The following SMARCA5 variants were observed in gnomAD, a reference collection of about 807,000 sequenced individuals.
SMARCA5 encodes the protein SNF2 related chromatin remodeling ATPase 5, also known as SWI/SNF-related matrix-associated actin-dependent regulator of chromatin subfamily A member 5.
SMARCA5 carries 18 observed loss-of-function variants against 140.4 expected under a neutral mutation model. The ratio of observed to expected loss-of-function variants is 0.13; its 90% CI spans 0.09 to 0.19. The LOEUF is 0.19. Ranked by LOEUF, SMARCA5 falls within the 10% of genes least tolerant of loss-of-function variation. SMARCA5 has a pLI of 1.00. For synonymous variants in SMARCA5, 449 were observed against 419.6 expected (o/e 1.07, Z -0.86); for missense variants, 606 against 1,276.8 (o/e 0.47, Z 8.01).
chr4:143,531,385 T>TA (rs1294705107), intron 9 of SMARCA5, among the ~76,000 whole-genome samples: 1 of 152,214 alleles, frequency 6.6e-6, no homozygotes, highest in African/African-American at 2.4e-5. Flanking sequence ...CAGATTAAAA[T>TA]ACCCTGCTAA....
At position 143,526,465 on chromosome 4, in the gene SMARCA5, GT is replaced by G; in HGVS notation, c.801+8del. ...ATAGGAGATAAAGAACAAAGAGTAA[GT>G]TTCTAGTATTTCATTACATTTTTGA... is the stretch of plus-strand genomic sequence containing the variant. On this transcript the variant is annotated splice_donor_region_variant and intron_variant, in intron 6 of 23. Coordinates refer to ENST00000283131, the MANE Select transcript of SMARCA5 (RefSeq NM_003601.4). 6.3e-7 allele frequency: 1 copy of G among 1,593,024 alleles called. No homozygotes were observed. Among genetic ancestry groups the G allele is most frequent in the Non-Finnish European group, 8.6e-7 (1 of 1,165,004 alleles).
At chr4:143,533,223 T>C (rs1737234904) in intron 9 of SMARCA5, among the ~76,000 whole-genome samples, 2 of 152,132 alleles carry the variant, frequency 1.3e-5, no homozygotes, top group Admixed American at 6.5e-5. Context: ...AAGTTAAAAA[T>C]GATAGGCAAA....
chr4:143,535,717 A>G (rs566605950), intron 10 of SMARCA5, among the ~76,000 whole-genome samples: 18 of 152,256 alleles, frequency 1.2e-4, no homozygotes, highest in African/African-American at 3.6e-4. Flanking sequence ...TTGAGATGGA[A>G]AGGTCTGCCT....
chr4:143,550,253 G>A, intron 23 of SMARCA5, 149 bp downstream of exon 23: 1 of 416,950 alleles, frequency 2.4e-6, no homozygotes, highest in Non-Finnish European at 4.3e-6. Context: ...TTTCCTTAAG[G>A]GAGAACCCAA....
chr4:143,524,983 G>C (rs1258220422), intron 4 of SMARCA5, among the ~76,000 whole-genome samples: 2 of 151,254 alleles, frequency 1.3e-5, no homozygotes, highest in African/African-American at 4.9e-5. Flanking sequence ...AGTATACCCT[G>C]AAAGAGAGTG....
rs1578804629 is a variant in SMARCA5, at chr4:143,545,910, A to G, written c.2398-15A>G. Reference sequence around the variant, plus strand: ...AAAATTTACTGATTTGATGGCATAGAAAAATATCTTTTAGGTACCTCGAAA... The same window carrying G: ...AAAATTTACTGATTTGATGGCATAGGAAAATATCTTTTAGGTACCTCGAAA... On this transcript the variant is annotated splice_polypyrimidine_tract_variant and intron_variant, in intron 18 of 23. Transcript: ENST00000283131. The G allele has an allele frequency of 6.3e-7, 1 of 1,593,252 alleles. No homozygotes were observed. The highest frequency in any genetic ancestry group is 2.2e-5 in the East Asian group (1 of 44,698).
At chr4:143,516,613 T>G (rs1736842111) in intron 1 of SMARCA5, among the ~76,000 whole-genome samples, 1 of 152,186 alleles carries the variant, frequency 6.6e-6, no homozygotes. Flanking sequence ...CATTTTACCT[T>G]CTATTCCAGT....
At chr4:143,525,653 C>G (rs949341380) in intron 5 of SMARCA5, 102 bp downstream of exon 5, 23 of 752,680 alleles carry the variant, frequency 3.1e-5, no homozygotes, top group Non-Finnish European at 5.1e-5. Flanking sequence ...CAAATGGATC[C>G]TCTCAGAAAC....
Position 143,556,704 on chromosome 4 carries a change from C to T in SMARCA5, c.*3520C>T, listed in dbSNP as rs561622053. The T allele has an allele frequency of 6.6e-6, 1 of 152,202 alleles. No individual in the cohort carries two copies. Among genetic ancestry groups the T allele is most frequent in the South Asian group, 2.1e-4 (1 of 4,816 alleles). 9.4% of individuals were successfully genotyped at this position (152,202 alleles called of 1,614,324 possible). A position where few individuals can be genotyped will look rare whatever the true frequency, so the allele number is the denominator to read the frequency against. ...ATGTCAAGATCAAAGGTGAGGGCAT[C>T]CCTCAGATGACAGATAATGGGCAAA... On this transcript the variant is annotated 3_prime_UTR_variant, in exon 24 of 24. Transcript: ENST00000283131.
intron 3 of SMARCA5, 105 bp downstream of exon 3, chr4:143,521,700 C>CAA: frequency 9.7e-7 from 1 of 1,035,724 alleles, no homozygotes; most frequent in Non-Finnish European, 1.4e-6. Context: ...ATTTTAGTGC[C>CAA]ATTATTTATT....
chr4:143,551,782 C>G (rs1298106814), intron 23 of SMARCA5, among the ~76,000 whole-genome samples: 1 of 151,948 alleles, frequency 6.6e-6, no homozygotes, highest in African/African-American at 2.4e-5. Context: ...GTATCTGTTT[C>G]TATACCAGCA....
At chr4:143,515,983 G>A (rs1285058014) in intron 1 of SMARCA5, among the ~76,000 whole-genome samples, 2 of 150,462 alleles carry the variant, frequency 1.3e-5, no homozygotes, top group African/African-American at 4.9e-5. Context: ...ATTATAGTGT[G>A]ATTTTTTTTT....
rs182122303 is a variant in SMARCA5 at position 143,546,067 on chromosome 4, C to A, written c.2520+20C>A. 2 of 1,555,690 alleles carry A rather than the reference C, an allele frequency of 1.3e-6. No homozygotes were observed. Among genetic ancestry groups the A allele is most frequent in the Non-Finnish European group, 1.7e-6 (2 of 1,155,826 alleles). On this transcript the variant is annotated intron_variant, in intron 19 of 23. Transcript: ENST00000283131. ...ACACAGGTATAGCCTTTAATCAGTA[C>A]AAACTTTAGTAACAGTTTGTTGTAA...
intron 14 of SMARCA5, 148 bp downstream of exon 14, chr4:143,540,643 A>G (rs1253662211): frequency 2.8e-6 from 2 of 709,398 alleles, no homozygotes; most frequent in Admixed American, 5.8e-5. Context: ...AATACAGTAA[A>G]CTTTAGTTTT....
At chr4:143,539,457 A>G (rs1303266577) in intron 13 of SMARCA5, among the ~76,000 whole-genome samples, 1 of 152,108 alleles carries the variant, frequency 6.6e-6, no homozygotes. Context: ...TTAGATTGAG[A>G]GAATTGATAC....
In SMARCA5 at chr4:143,528,448, G is replaced by A. The variant is rs572903484; in HGVS notation, c.958-135G>A. ...TCTCTTTTATGGCTGCGTACTATTCGCTGATGTATATGTGCCATATTTTCT... is the reference window on the plus strand; with the variant it reads ...TCTCTTTTATGGCTGCGTACTATTCACTGATGTATATGTGCCATATTTTCT... On this transcript the variant is annotated intron_variant, in intron 7 of 23. Coordinates refer to ENST00000283131, the MANE Select transcript of SMARCA5 (RefSeq NM_003601.4). 113 of 645,768 alleles carry A rather than the reference G, an allele frequency of 1.7e-4. 1 individual carries two copies. The South Asian group carries it at 2.2e-3, about 13-fold the overall frequency. The allele number at this position is 645,768 out of a possible 1,614,324, so 40.0% of individuals were successfully genotyped here.
At chr4:143,517,317 T>A (rs1667455128) in intron 1 of SMARCA5, 38 bp from the exon 2 acceptor site, 2 of 1,487,134 alleles carry the variant, frequency 1.3e-6, no homozygotes, top group Non-Finnish European at 1.9e-6. Context: ...TTTACTATTT[T>A]CGAAGACCAA....
At chr4:143,534,616 C>A (rs1012816644) in intron 9 of SMARCA5, among the ~76,000 whole-genome samples, 2 of 152,078 alleles carry the variant, frequency 1.3e-5, no homozygotes, top group African/African-American at 4.8e-5. Flanking sequence ...GCAAATACTA[C>A]ATTTTTTATA....
chr4:143,522,782 C>A (rs1043100568), intron 3 of SMARCA5, among the ~76,000 whole-genome samples: 1 of 152,074 alleles, frequency 6.6e-6, no homozygotes, highest in Non-Finnish European at 1.5e-5. Flanking sequence ...AAAAGAAACA[C>A]TTCTTTTATT....
Sources: gnomAD v4.1 joint callset for allele counts (sites outside exome capture counted in the v4.1 genomes callset) on GRCh38, gnomAD v4.1.1 for gene constraint, MANE v1.5 for transcripts, NCBI Gene and HGNC (gene_info 2026-07-23, HGNC 2026-07-21) for gene names.